Variants in ASB18 observed in about 807,000 individuals in gnomAD.
ASB18 encodes the protein ankyrin repeat and SOCS box protein 18.
ASB18 carries 33 observed loss-of-function variants against 33.4 expected under a neutral mutation model. The observed-to-expected ratio is 0.99, with a 90% CI of 0.75 to 1.32. The LOEUF (loss-of-function observed/expected upper bound fraction) is 1.32, where lower values mean the gene tolerates loss of function less well. Ranked by LOEUF, ASB18 falls within the 40% of genes most tolerant of loss-of-function variation. ASB18 has a pLI of 0.00. For synonymous variants in ASB18, 295 were observed against 307.6 expected (o/e 0.96, Z 0.43); for missense variants, 694 against 655.5 (o/e 1.06, Z -0.64).
chr2:236,246,296 G>T (rs1197748278), intron 1 of ASB18, among the ~76,000 whole-genome samples: 1 of 129,300 alleles, frequency 7.7e-6, no homozygotes, highest in Non-Finnish European at 1.6e-5. Flanking sequence ...GCAGTGGGCT[G>T]AGATCATGCC....
chr2:236,222,579 T>C lies in ASB18; in HGVS notation c.597-7713A>G, dbSNP rs777874210. Reference sequence around the variant, plus strand: ...TATTTATCACTGCTGAAATCTCATATTGAAATGTAATCCCCAATGCTGGGG... The same window carrying C: ...TATTTATCACTGCTGAAATCTCATACTGAAATGTAATCCCCAATGCTGGGG... On this transcript the variant is annotated intron_variant, in intron 3 of 5. Coordinates refer to ENST00000409749, the MANE Select transcript of ASB18 (RefSeq NM_212556.4). The surrounding 1 kb of genome is among the most constrained non-coding windows in gnomAD (Gnocchi z 5.5). Among the ~76,000 whole-genome samples, 7 of 152,200 alleles carry C rather than the reference T, an allele frequency of 4.6e-5. No homozygotes were observed. The highest frequency in any genetic ancestry group is 1.0e-4 in the Non-Finnish European group (7 of 68,040).
At position 236,241,735 on chromosome 2, in the gene ASB18, T is replaced by G. The variant is rs1002319; in HGVS notation, c.206-333A>C. Among the ~76,000 whole-genome samples the G allele has an allele frequency of 0.036, 5,447 of 152,196 alleles. 263 individuals carry two copies. Among genetic ancestry groups the G allele is most frequent in the African/African-American group, 0.11 (4,375 of 41,486 alleles). On this transcript the variant is annotated intron_variant, in intron 1 of 5. Transcript: ENST00000409749. This position sits in a 1 kb window ranked among gnomAD's most constrained non-coding sequence, Gnocchi z 4.2. The stretch of plus-strand genomic sequence containing the variant: ...TGCCGCAGTACTCAGCCACCCTCTT[T>G]GTGATGATACAGATGCTAACTCTGG...
Position 236,259,297 on chromosome 2 carries a change from A to AT in ASB18, c.205+4843dup. Among the ~76,000 whole-genome samples the AT allele has an allele frequency of 6.6e-6, 1 of 152,352 alleles. No homozygotes were observed. Among genetic ancestry groups the AT allele is most frequent in the South Asian group, 2.1e-4 (1 of 4,824 alleles). Reference sequence around the variant, plus strand: ...GTGAGCAAAGGAGCTTAGCTCTTCCATGCCAATCACTGCACCCAGAGTCCA... The same window carrying AT: ...GTGAGCAAAGGAGCTTAGCTCTTCCATTGCCAATCACTGCACCCAGAGTCCA... On this transcript the variant is annotated intron_variant, in intron 1 of 5. Coordinates refer to ENST00000409749, the MANE Select transcript of ASB18 (RefSeq NM_212556.4). This position sits in a 1 kb window ranked among gnomAD's most constrained non-coding sequence, Gnocchi z 4.4.
At position 236,204,503 on chromosome 2, in the gene ASB18, G is replaced by A. The variant is rs2060423597; in HGVS notation, c.1102-8118C>T. Reference sequence around the variant, plus strand: ...GCTGGTGATCTTATCTGGTTTCCTGGCTTTAAATACCATCCTTTGTCACTG... The same window carrying A: ...GCTGGTGATCTTATCTGGTTTCCTGACTTTAAATACCATCCTTTGTCACTG... On this transcript the variant is annotated intron_variant, in intron 4 of 5. Coordinates refer to ENST00000409749, the MANE Select transcript of ASB18 (RefSeq NM_212556.4). This position sits in a 1 kb window ranked among gnomAD's most constrained non-coding sequence, Gnocchi z 5.1. 6.6e-6 allele frequency among the ~76,000 whole-genome samples: 1 copy of A among 152,062 alleles called. No individual in the cohort carries two copies. Among genetic ancestry groups the A allele is most frequent in the Non-Finnish European group, 1.5e-5 (1 of 68,036 alleles).
Position 236,214,804 on chromosome 2 carries a change from T to A in ASB18, c.659A>T (p.Asp220Val). ...CTGCGCCGCCACGTGCAGCGGCGTG[T>A]CCCGGCCCGTGCCGCCCACGCGCTG... ...SVQRVGGTGR[D>V]TPLHVAAQRG... Residue 220 changes from aspartate to valine, a missense_variant, in exon 4 of 6, where the codon GAC (aspartate) becomes GTC (valine). Asp to Val is a radical substitution (Grantham distance 152, BLOSUM62 -3). Coordinates refer to ENST00000409749, the MANE Select transcript of ASB18 (RefSeq NM_212556.4). This position sits in a 1 kb window ranked among gnomAD's most constrained non-coding sequence, Gnocchi z 6.5. The A allele has an allele frequency of 8.3e-7, 1 of 1,209,396 alleles. No homozygotes were observed. The highest frequency in any genetic ancestry group is 1.0e-6 in the Non-Finnish European group (1 of 973,178). 74.9% of individuals were successfully genotyped at this position (1,209,396 alleles called of 1,614,324 possible).
intron 4 of ASB18, among the ~76,000 whole-genome samples, chr2:236,197,218 A>G (rs1248665804): frequency 6.6e-6 from 1 of 152,214 alleles, no homozygotes; most frequent in Non-Finnish European, 1.5e-5. Flanking sequence ...ATAGCACCTG[A>G]GAAATTAACA....
In ASB18 at chr2:236,237,489, G is replaced by T. The variant is rs1450929294; in HGVS notation, c.596+200C>A. On this transcript the variant is annotated intron_variant, in intron 3 of 5. Coordinates refer to ENST00000409749, the MANE Select transcript of ASB18 (RefSeq NM_212556.4). This position sits in a 1 kb window ranked among gnomAD's most constrained non-coding sequence, Gnocchi z 6.2. ...TCCCGGGTCAGGGATCTTGGATCTG[G>T]GTCCCGAGGCAGGGGCCGGGGTAGG... 6.6e-6 allele frequency among the ~76,000 whole-genome samples: 1 copy of T among 150,460 alleles called. No individual in the cohort carries two copies. The highest frequency in any genetic ancestry group is 2.0e-4 in the East Asian group (1 of 5,068).
rs981557660 is a variant in ASB18 at position 236,213,344 on chromosome 2, G to A, written c.1101+1018C>T. On this transcript the variant is annotated intron_variant, in intron 4 of 5. Coordinates refer to ENST00000409749, the MANE Select transcript of ASB18 (RefSeq NM_212556.4). The surrounding 1 kb of genome is among the most constrained non-coding windows in gnomAD (Gnocchi z 4.8). Reference sequence around the variant, plus strand: ...TCTATAATGGAAAGTTAGCATTTGAGAGAAATGAGTGAATCTCACTTCTCG... The same window carrying A: ...TCTATAATGGAAAGTTAGCATTTGAAAGAAATGAGTGAATCTCACTTCTCG... 6.6e-6 allele frequency among the ~76,000 whole-genome samples: 1 copy of A among 152,100 alleles called. No homozygotes were observed. Among genetic ancestry groups the A allele is most frequent in the African/African-American group, 2.4e-5 (1 of 41,410 alleles).
At chr2:236,227,886 TCCTCTTC>T (rs1330292677) in intron 3 of ASB18, among the ~76,000 whole-genome samples, 2 of 152,218 alleles carry the variant, frequency 1.3e-5, no homozygotes, top group Non-Finnish European at 2.9e-5. Flanking sequence ...AGCATTACCT[TCCTCTTC>T]CCTGAAACTG....
chr2:236,253,949 TTAGCTCAGGGTACA>T lies in ASB18; in HGVS notation c.205+10178_205+10191del. 1 of 152,024 alleles carries T rather than the reference TTAGCTCAGGGTACA, an allele frequency of 6.6e-6. No individual in the cohort carries two copies. Among genetic ancestry groups the T allele is most frequent in the Admixed American group, 6.6e-5 (1 of 15,254 alleles). The allele number at this position is 152,024 out of a possible 1,614,324, so 9.4% of individuals were successfully genotyped here. A position where few individuals can be genotyped will look rare whatever the true frequency, so the allele number is the denominator to read the frequency against. On this transcript the variant is annotated intron_variant, in intron 1 of 5. Transcript: ENST00000409749. The surrounding 1 kb of genome is among the most constrained non-coding windows in gnomAD (Gnocchi z 5.4). Reference sequence around the variant, plus strand: ...GGAGAGAATGGCAGGGATGCCAGAGTTAGCTCAGGGTACATCTTTAGGCCTTTGGATGCCTGTTA... The same window carrying T: ...GGAGAGAATGGCAGGGATGCCAGAGTTCTTTAGGCCTTTGGATGCCTGTTA...
intron 1 of ASB18, chr2:236,247,585 C>T (rs1191499729): frequency 1.3e-5 from 2 of 152,088 alleles, no homozygotes; most frequent in African/African-American, 2.4e-5. Context: ...TCACATTTAT[C>T]TATAGCTTGC....
At position 236,256,962 on chromosome 2, in the gene ASB18, CTGTATT is replaced by C. The variant is rs2060695479; in HGVS notation, c.205+7173_205+7178del. 8.5e-5 allele frequency among the ~76,000 whole-genome samples: 13 copies of C among 152,202 alleles called. No homozygotes were observed. The South Asian group carries it at 2.7e-3, about 32-fold the overall frequency. ...ATTCTAGGTGGTGGGAGATATTTTT[CTGTATT>C]TAAAGAGAGGGCTGCTGCAGCAGCC... On this transcript the variant is annotated intron_variant, in intron 1 of 5. Transcript: ENST00000409749. The surrounding 1 kb of genome is among the most constrained non-coding windows in gnomAD (Gnocchi z 4.7).
At chr2:236,246,560 G>T (rs529804392) in intron 1 of ASB18, among the ~76,000 whole-genome samples, 1 of 152,048 alleles carries the variant, frequency 6.6e-6, no homozygotes, top group African/African-American at 2.4e-5. Flanking sequence ...TGGTGCATTG[G>T]AAAATGCATC....
At chr2:236,210,750 C>T (rs186578047) in intron 4 of ASB18, among the ~76,000 whole-genome samples, 1 of 152,292 alleles carries the variant, frequency 6.6e-6, no homozygotes, top group East Asian at 1.9e-4. Flanking sequence ...ACAAATAAAG[C>T]TGGCCATGTA....
chr2:236,253,953 C>T lies in ASB18; in HGVS notation c.205+10188G>A, dbSNP rs1035418430. 1 of 152,072 alleles carries T rather than the reference C, an allele frequency of 6.6e-6. No homozygotes were observed. The highest frequency in any genetic ancestry group is 2.4e-5 in the African/African-American group (1 of 41,402). The allele number at this position is 152,072 out of a possible 1,614,324, so 9.4% of individuals were successfully genotyped here. On this transcript the variant is annotated intron_variant, in intron 1 of 5. Transcript: ENST00000409749. This position sits in a 1 kb window ranked among gnomAD's most constrained non-coding sequence, Gnocchi z 5.4. ...AGAATGGCAGGGATGCCAGAGTTAGCTCAGGGTACATCTTTAGGCCTTTGG... is the reference window on the plus strand; with the variant it reads ...AGAATGGCAGGGATGCCAGAGTTAGTTCAGGGTACATCTTTAGGCCTTTGG...
chr2:236,226,935 ATAT>A lies in ASB18; in HGVS notation c.596+10751_596+10753del, dbSNP rs1383782946. Among the ~76,000 whole-genome samples, 1 of 152,190 alleles carries A rather than the reference ATAT, an allele frequency of 6.6e-6. No individual in the cohort carries two copies. Among genetic ancestry groups the A allele is most frequent in the African/African-American group, 2.4e-5 (1 of 41,446 alleles). ...CAGCTTCCCCTAAAGTTAATATCTAATATTATTATGGTATATTTGTCAAAACTA... is the reference window on the plus strand; with the variant it reads ...CAGCTTCCCCTAAAGTTAATATCTAATATTATGGTATATTTGTCAAAACTA... On this transcript the variant is annotated intron_variant, in intron 3 of 5. Transcript: ENST00000409749. This position sits in a 1 kb window ranked among gnomAD's most constrained non-coding sequence, Gnocchi z 4.8.
rs2060688106 is a variant in ASB18, at chr2:236,255,511, G to A, written c.205+8630C>T. On this transcript the variant is annotated intron_variant, in intron 1 of 5. Transcript: ENST00000409749. The surrounding 1 kb of genome is among the most constrained non-coding windows in gnomAD (Gnocchi z 4.4). ...GGGAGATGTATTTCTTTTTCAGGTG[G>A]GCACATTGCATGCCACAGGGATTTT... Among the ~76,000 whole-genome samples the A allele has an allele frequency of 6.6e-6, 1 of 152,084 alleles. No individual in the cohort carries two copies. The highest frequency in any genetic ancestry group is 2.4e-5 in the African/African-American group (1 of 41,394).
rs2060365945 is a variant in ASB18 at position 236,195,160 on chromosome 2, T to G, written c.1216-103A>C. 1 of 1,077,288 alleles carries G rather than the reference T, an allele frequency of 9.3e-7. No homozygotes were observed. The highest frequency in any genetic ancestry group is 1.3e-6 in the Non-Finnish European group (1 of 749,500). 66.7% of individuals were successfully genotyped at this position (1,077,288 alleles called of 1,614,324 possible). A position where few individuals can be genotyped will look rare whatever the true frequency, so the allele number is the denominator to read the frequency against. The stretch of plus-strand genomic sequence containing the variant: ...TGGTACAAGCGGGCTTTTCTATGGC[T>G]AACTGATCCCAGATAAGCGCACTGG... On this transcript the variant is annotated intron_variant, in intron 5 of 5. Transcript: ENST00000409749. The surrounding 1 kb of genome is among the most constrained non-coding windows in gnomAD (Gnocchi z 5.5).
Position 236,209,684 on chromosome 2 carries a change from C to T in ASB18, c.1101+4678G>A, listed in dbSNP as rs917140754. Among the ~76,000 whole-genome samples, 4 of 152,334 alleles carry T rather than the reference C, an allele frequency of 2.6e-5. No individual in the cohort carries two copies. The highest frequency in any genetic ancestry group is 1.9e-4 in the East Asian group (1 of 5,188). On this transcript the variant is annotated intron_variant, in intron 4 of 5. Coordinates refer to ENST00000409749, the MANE Select transcript of ASB18 (RefSeq NM_212556.4). This position sits in a 1 kb window ranked among gnomAD's most constrained non-coding sequence, Gnocchi z 4.4. Reference sequence around the variant, plus strand: ...CCCCTACCTGGTGTGTTCTCTACGTCGAGCTTAGAAATTCCAAAATACTGA... The same window carrying T: ...CCCCTACCTGGTGTGTTCTCTACGTTGAGCTTAGAAATTCCAAAATACTGA...
Sources: gnomAD v4.1 joint callset for allele counts (sites outside exome capture counted in the v4.1 genomes callset) on GRCh38, gnomAD v4.1.1 for gene constraint, Gnocchi (gnomAD v3.1) non-coding constraint, MANE v1.5 for transcripts, NCBI Gene and HGNC (gene_info 2026-07-23, HGNC 2026-07-21) for gene names.